GABRG3: variants seen among roughly 807,000 people sequenced by gnomAD.
GABRG3 encodes gamma-aminobutyric acid receptor subunit gamma-3.
GABRG3 carries 25 observed loss-of-function variants against 48.8 expected under a neutral mutation model. The ratio of observed to expected loss-of-function variants is 0.51; its 90% CI spans 0.37 to 0.72. GABRG3 has a LOEUF of 0.72. GABRG3 is among the 30% of genes least tolerant of loss of function. The pLI is 0.00. For synonymous variants in GABRG3, 227 were observed against 217.6 expected, an observed-to-expected ratio of 1.04 and a Z score of -0.38; for missense variants, 394 against 577.9, an observed-to-expected ratio of 0.68 and a Z score of 3.26.
intron 5 of GABRG3, among the ~76,000 whole-genome samples, chr15:27,382,987 A>G (rs560630433): frequency 5.1e-4 from 77 of 152,338 alleles, no homozygotes; most frequent in Admixed American, 9.8e-4. Context: ...TTTGGAAGTC[A>G]TAAGCAAGGA....
chr15:27,504,439 GTACCCT>G (rs1474005791), intron 6 of GABRG3, among the ~76,000 whole-genome samples: 1 of 151,884 alleles, frequency 6.6e-6, no homozygotes, highest in Non-Finnish European at 1.5e-5. Context: ...TTACCACAGG[GTACCCT>G]TAAATATTTT....
At chr15:27,307,849 G>T (rs1892711828) in intron 3 of GABRG3, among the ~76,000 whole-genome samples, 2 of 130,118 alleles carry the variant, frequency 1.5e-5, no homozygotes, top group African/African-American at 5.6e-5. Flanking sequence ...AAATAAACAT[G>T]TTTATATATA....
chr15:27,247,629 G>C (rs562388528), intron 3 of GABRG3, among the ~76,000 whole-genome samples: 7 of 152,272 alleles, frequency 4.6e-5, no homozygotes, highest in African/African-American at 7.2e-5. Flanking sequence ...CCGTTTTCAC[G>C]CTGCTGGTAA....
intron 3 of GABRG3, among the ~76,000 whole-genome samples, chr15:27,292,613 T>G (rs1891832666): frequency 6.6e-6 from 1 of 152,192 alleles, no homozygotes; most frequent in Non-Finnish European, 1.5e-5. Context: ...TTCTGGAACT[T>G]TCTCTATTCA....
intron 5 of GABRG3, among the ~76,000 whole-genome samples, chr15:27,470,365 A>C (rs1889750174): frequency 1.3e-5 from 2 of 151,638 alleles, no homozygotes; most frequent in Non-Finnish European, 2.9e-5. Flanking sequence ...CTGAGATTAC[A>C]GGTGCACGCC....
At chr15:27,349,766 A>T (rs371654486) in intron 5 of GABRG3, among the ~76,000 whole-genome samples, 44 of 152,250 alleles carry the variant, frequency 2.9e-4, no homozygotes, top group African/African-American at 9.6e-4. Context: ...TACAGAGGAG[A>T]ACTGAGAGGC....
At chr15:27,320,667 C>G (rs1196553576) in intron 3 of GABRG3, among the ~76,000 whole-genome samples, 5 of 151,910 alleles carry the variant, frequency 3.3e-5, no homozygotes, top group African/African-American at 1.2e-4. Flanking sequence ...CATGGAAGGT[C>G]GTGATCAAAG....
At chr15:27,215,553 G>A (rs1328017088) in intron 3 of GABRG3, among the ~76,000 whole-genome samples, 1 of 152,166 alleles carries the variant, frequency 6.6e-6, no homozygotes, top group Non-Finnish European at 1.5e-5. Flanking sequence ...CCTGAACATT[G>A]CAAGGATCCT....
chr15:27,338,722 T>C (rs1207965847), intron 5 of GABRG3, among the ~76,000 whole-genome samples: 1 of 152,206 alleles, frequency 6.6e-6, no homozygotes, highest in Non-Finnish European at 1.5e-5. Context: ...TTTATCTATG[T>C]TGCTATCAGG....
intron 3 of GABRG3, among the ~76,000 whole-genome samples, chr15:27,320,704 G>C (rs1566783702): frequency 6.6e-6 from 1 of 152,062 alleles, no homozygotes; most frequent in Non-Finnish European, 1.5e-5. Context: ...ATGCAGGGCA[G>C]GTGAGAATGA....
chr15:27,165,036 T>C (rs765787456), intron 3 of GABRG3, among the ~76,000 whole-genome samples: 8 of 152,178 alleles, frequency 5.3e-5, no homozygotes, highest in Non-Finnish European at 1.2e-4. Context: ...GTCCAAGACA[T>C]TTAGGATGGC....
chr15:27,324,602 ACAGG>A (rs1415705262), intron 3 of GABRG3, among the ~76,000 whole-genome samples: 2 of 152,232 alleles, frequency 1.3e-5, no homozygotes, highest in Non-Finnish European at 2.9e-5. Context: ...CCCATGAAAG[ACAGG>A]CAGGCAACGG....
At chr15:27,070,746 G>A (rs964311396) in intron 3 of GABRG3, among the ~76,000 whole-genome samples, 4 of 152,230 alleles carry the variant, frequency 2.6e-5, no homozygotes, top group Middle Eastern at 3.4e-3. Context: ...GCACTGGTAG[G>A]GTGATTTATT....
intron 5 of GABRG3, among the ~76,000 whole-genome samples, chr15:27,397,613 G>C (rs537844234): frequency 6.6e-6 from 1 of 151,858 alleles, no homozygotes; most frequent in African/African-American, 2.4e-5. Flanking sequence ...ATTTGCCTCC[G>C]CCTCTGCTCG....
intron 2 of GABRG3, among the ~76,000 whole-genome samples, chr15:26,995,563 T>C (rs1485233303): frequency 6.6e-6 from 1 of 151,280 alleles, no homozygotes; most frequent in Non-Finnish European, 1.5e-5. Flanking sequence ...GTTAAGTGGA[T>C]ATTTTCTAGT....
intron 5 of GABRG3, among the ~76,000 whole-genome samples, chr15:27,476,304 G>T (rs1262285713): frequency 6.6e-6 from 1 of 151,768 alleles, no homozygotes; most frequent in East Asian, 1.9e-4. Flanking sequence ...ACACACAAAG[G>T]AAAAAGCTAT....
chr15:27,344,719 T>TC (rs983738479), intron 5 of GABRG3, among the ~76,000 whole-genome samples: 2 of 151,572 alleles, frequency 1.3e-5, no homozygotes, highest in African/African-American at 4.8e-5. Flanking sequence ...AAACCATTTT[T>TC]TTAATTTAAA....
intron 3 of GABRG3, among the ~76,000 whole-genome samples, chr15:27,097,093 C>T (rs1450508581): frequency 6.6e-6 from 1 of 150,772 alleles, no homozygotes; most frequent in Non-Finnish European, 1.5e-5. Context: ...CTCAGGTGAT[C>T]CTCCCGCTTT....
intron 3 of GABRG3, among the ~76,000 whole-genome samples, chr15:27,120,526 A>G (rs1897713047): frequency 1.3e-5 from 2 of 152,148 alleles, no homozygotes; most frequent in Admixed American, 6.5e-5. Context: ...AGGGAAGGTC[A>G]TGATATTTTA....
Sources: gnomAD v4.1 joint callset for allele counts (sites outside exome capture counted in the v4.1 genomes callset) on GRCh38, gnomAD v4.1.1 for gene constraint, MANE v1.5 for transcripts, NCBI Gene and HGNC (gene_info 2026-07-23, HGNC 2026-07-21) for gene names.